Variants in THBS1 observed in about 807,000 individuals in gnomAD.
THBS1 encodes the protein thrombospondin-1.
A neutral mutation model predicts 126.1 loss-of-function variants in THBS1; 29 were observed. The observed-to-expected ratio is 0.23, with a 90% CI of 0.17 to 0.31. The LOEUF (loss-of-function observed/expected upper bound fraction) is 0.31, where lower values mean the gene tolerates loss of function less well. Among genes scored for constraint, THBS1 ranks in the 10% least tolerant of loss-of-function variants. The pLI is 1.00. For missense variants in THBS1, 1,198 were observed against 1,545.2 expected (o/e 0.78, Z 3.77); for synonymous variants, 496 against 577.8 (o/e 0.86, Z 2.03).
In THBS1 at chr15:39,595,318, T is replaced by G. The variant is rs200527126; in HGVS notation, c.3506-44T>G. 5.5e-3 allele frequency: 6,872 copies of G among 1,244,478 alleles called. 27 individuals are homozygous for G. Among genetic ancestry groups the G allele is most frequent in the Non-Finnish European group, 6.6e-3 (6,205 of 933,302 alleles). 77.1% of individuals were successfully genotyped at this position (1,244,478 alleles called of 1,614,324 possible). On this transcript the variant is annotated intron_variant, in intron 21 of 21. Transcript: ENST00000260356. Reference sequence around the variant, plus strand: ...ACTAAGATGTCTATGCTTTTATGAATTAGTTTTCATTTGTATATTTATTTA... The same window carrying G: ...ACTAAGATGTCTATGCTTTTATGAAGTAGTTTTCATTTGTATATTTATTTA...
rs758470793 is a variant in THBS1, at chr15:39,582,490, A to G, written c.365A>G (p.Asn122Ser). ...GGCCAGGTCTTCAGCGTGGTGTCCA[A>G]TGGCAAGGCGGGCACCCTGGACCTC... ...HSGQVFSVVS[N>S]GKAGTLDLSL... The change falls in exon 3 of 22, where the codon AAT becomes AGT. Residue 122 changes from asparagine (N) to serine (S), a missense_variant. This residue lies in a region of THBS1 where 271 missense variants were observed against 277.0 expected (regional missense o/e 0.98). Coordinates refer to ENST00000260356, the MANE Select transcript of THBS1 (RefSeq NM_003246.4). The G allele has an allele frequency of 3.1e-6, 5 of 1,614,136 alleles. No homozygotes were observed. Among genetic ancestry groups the G allele is most frequent in the Middle Eastern group, 1.6e-4 (1 of 6,062 alleles).
Position 39,593,373 on chromosome 15 carries a change from C to A in THBS1, c.2996-24C>A. 2.5e-6 allele frequency: 4 copies of A among 1,613,334 alleles called. No homozygotes were observed. Among genetic ancestry groups the A allele is most frequent in the Non-Finnish European group, 3.4e-6 (4 of 1,179,510 alleles). ...ACCTTCTGAAGGCTGCAGGTTTTAA[C>A]CTGGCTCTGGGCTCTTCTTCCAGGT... On this transcript the variant is annotated intron_variant, in intron 18 of 21. Coordinates refer to ENST00000260356, the MANE Select transcript of THBS1 (RefSeq NM_003246.4). The surrounding 1 kb of genome is among the most constrained non-coding windows in gnomAD (Gnocchi z 5.9).
chr15:39,591,254 C>G lies in THBS1; in HGVS notation c.2317C>G (p.Arg773Gly). ...YDYDRDDVGD[R>G]CDNCPYNHNP... Reference sequence around the variant, plus strand: ...CTATGACAGAGATGATGTGGGAGACCGCTGTGACAACTGTCCCTACAACCA... The same window carrying G: ...CTATGACAGAGATGATGTGGGAGACGGCTGTGACAACTGTCCCTACAACCA... The change falls in exon 15 of 22, where the codon CGC (arginine) becomes GGC (glycine). Residue 773 changes from arginine to glycine, a missense_variant. Arg to Gly is a moderately radical substitution (Grantham distance 125). Around this residue, in one of 4 missense-constraint regions of THBS1, gnomAD observed 663 missense variants for 860.1 expected, o/e 0.77. Transcript: ENST00000260356. The G allele has an allele frequency of 6.2e-7, 1 of 1,614,140 alleles. No individual in the cohort carries two copies. Among genetic ancestry groups the G allele is most frequent in the African/African-American group, 1.3e-5 (1 of 75,018 alleles).
In THBS1 at chr15:39,596,632, T is replaced by C. The variant is rs976588303; in HGVS notation, c.*1263T>C. 32 of 152,242 alleles carry C rather than the reference T, an allele frequency of 2.1e-4. No individual in the cohort carries two copies. The highest frequency in any genetic ancestry group is 4.6e-4 in the Non-Finnish European group (31 of 68,042). The allele number at this position is 152,242 out of a possible 1,614,324, so 9.4% of individuals were successfully genotyped here. On this transcript the variant is annotated 3_prime_UTR_variant, in exon 22 of 22. Transcript: ENST00000260356. ...AACAGCACAAGGAAAATCAGTCTAA[T>C]AAGCTGCTCTGCCCCTTGTGCTCAG...
chr15:39,595,893 G>T lies in THBS1; in HGVS notation c.*524G>T, dbSNP rs567709877. The T allele has an allele frequency of 2.2e-6, 1 of 456,032 alleles. No homozygotes were observed. Among genetic ancestry groups the T allele is most frequent in the African/African-American group, 2.0e-5 (1 of 50,176 alleles). 28.2% of individuals were successfully genotyped at this position (456,032 alleles called of 1,614,324 possible). ...AATATGGAGGAACTGTTACATGTTC[G>T]GTACTAAGTCATTTTCAGGGGATTG... On this transcript the variant is annotated 3_prime_UTR_variant, in exon 22 of 22. Transcript: ENST00000260356.
rs1890376321 is a variant in THBS1 at position 39,593,722 on chromosome 15, C to T, written c.3267+54C>T. The T allele has an allele frequency of 6.3e-7, 1 of 1,586,262 alleles. No homozygotes were observed. The highest frequency in any genetic ancestry group is 8.6e-7 in the Non-Finnish European group (1 of 1,166,462). On this transcript the variant is annotated intron_variant, in intron 19 of 21. Transcript: ENST00000260356. The surrounding 1 kb of genome is among the most constrained non-coding windows in gnomAD (Gnocchi z 5.9). ...AGAGCTTATGGGTGCCTGACTAGCA[C>T]TGGGGATGCTGTGCTTTGACCAAGA...
Position 39,597,987 on chromosome 15 carries a change from A to T in THBS1, c.*2618A>T, listed in dbSNP as rs2140354709. ...CATTACAGATACCTCCTCTTGAAGA[A>T]GGAATAATAAGTTTAATCAAAAAAG... is the stretch of plus-strand genomic sequence containing the variant. On this transcript the variant is annotated 3_prime_UTR_variant, in exon 22 of 22. Transcript: ENST00000260356. The T allele has an allele frequency of 6.6e-6, 1 of 152,364 alleles. No individual in the cohort carries two copies. Among genetic ancestry groups the T allele is most frequent in the African/African-American group, 2.4e-5 (1 of 41,580 alleles). 9.4% of individuals were successfully genotyped at this position (152,364 alleles called of 1,614,324 possible). A position where few individuals can be genotyped will look rare whatever the true frequency, so the allele number is the denominator to read the frequency against.
rs770788788 is a variant in THBS1 at position 39,588,108 on chromosome 15, G to A, written c.1361G>A (p.Gly454Asp). ...TCTTGTTCTGTGACATGTGGTGATG[G>A]TGTGATCACAAGGATCCGGCTCTGC... is the stretch of plus-strand genomic sequence containing the variant. ...WSSCSVTCGD[G>D]VITRIRLCNS... Residue 454 changes from glycine to aspartate, a missense_variant, in exon 9 of 22, where the codon GGT (glycine) becomes GAT (aspartate). Coordinates refer to ENST00000260356, the MANE Select transcript of THBS1 (RefSeq NM_003246.4). 1 of 1,614,234 alleles carries A rather than the reference G, an allele frequency of 6.2e-7. No individual in the cohort carries two copies. The highest frequency in any genetic ancestry group is 8.5e-7 in the Non-Finnish European group (1 of 1,180,034).
chr15:39,589,212 T>G lies in THBS1; in HGVS notation c.1784T>G (p.Val595Gly), dbSNP rs1206923053. Reference protein sequence around the residue: ...QCTDVDECKEVPDACFNHNGE... With the variant: ...QCTDVDECKEGPDACFNHNGE... ...TTATTTCCTCCATAGTGCAAAGAAG[T>G]GCCTGATGCCTGCTTCAACCACAAT... The change falls in exon 12 of 22, where the codon GTG (valine) becomes GGG (glycine). Residue 595 changes from valine to glycine, a missense_variant. Transcript: ENST00000260356. The surrounding 1 kb of genome is among the most constrained non-coding windows in gnomAD (Gnocchi z 4.7). 1 of 1,614,022 alleles carries G rather than the reference T, an allele frequency of 6.2e-7. No individual in the cohort carries two copies. Among genetic ancestry groups the G allele is most frequent in the Non-Finnish European group, 8.5e-7 (1 of 1,180,048 alleles).
chr15:39,592,964 T>C lies in THBS1; in HGVS notation c.2768-36T>C, dbSNP rs1890356691. 6.2e-7 allele frequency: 1 copy of C among 1,605,112 alleles called. No homozygotes were observed. The highest frequency in any genetic ancestry group is 1.1e-5 in the South Asian group (1 of 90,338). On this transcript the variant is annotated intron_variant, in intron 17 of 21. Transcript: ENST00000260356. The surrounding 1 kb of genome is among the most constrained non-coding windows in gnomAD (Gnocchi z 4.3). ...GACACCAGTAATAATAATAGCACTT[T>C]AGAATTTTGCTGAACTCTTGCTTTT...
At position 39,594,005 on chromosome 15, in the gene THBS1, T is replaced by C. The variant is rs1890381537; in HGVS notation, c.3268-94T>C. The C allele has an allele frequency of 7.4e-7, 1 of 1,345,942 alleles. No homozygotes were observed. Among genetic ancestry groups the C allele is most frequent in the Non-Finnish European group, 1.0e-6 (1 of 977,948 alleles). The allele number at this position is 1,345,942 out of a possible 1,614,324, so 83.4% of individuals were successfully genotyped here. ...TTGCAGCCCTCTAACTTAGATCAGC[T>C]CAGTACCTTTCAAGCATTGTTTCTG... On this transcript the variant is annotated intron_variant, in intron 19 of 21. Coordinates refer to ENST00000260356, the MANE Select transcript of THBS1 (RefSeq NM_003246.4). This position sits in a 1 kb window ranked among gnomAD's most constrained non-coding sequence, Gnocchi z 4.4.
intron 6 of THBS1, 41 bp from the exon 7 acceptor site, chr15:39,585,429 T>G: frequency 6.4e-7 from 1 of 1,565,570 alleles, no homozygotes; most frequent in Non-Finnish European, 8.8e-7. Flanking sequence ...GTATGCAACA[T>G]GCTCAGCAGC....
intron 6 of THBS1, among the ~76,000 whole-genome samples, chr15:39,584,883 G>C (rs1890181746): frequency 6.6e-6 from 1 of 152,228 alleles, no homozygotes; most frequent in African/African-American, 2.4e-5. Context: ...CCAGGTGTGT[G>C]ATTCACTCTA....
At chr15:39,583,731 G>A (rs200065465) in intron 4 of THBS1, 39 bp downstream of exon 4, 1 of 1,586,860 alleles carries the variant, frequency 6.3e-7, no homozygotes, top group African/African-American at 1.4e-5. Context: ...TAGGGAATCA[G>A]GGGGAATTCC....
At chr15:39,582,948 T>C (rs1411889196) in intron 3 of THBS1, among the ~76,000 whole-genome samples, 196 bp downstream of exon 3, 1 of 152,232 alleles carries the variant, frequency 6.6e-6, no homozygotes. Context: ...TCTGTAAAAC[T>C]GCAACTCTAA....
intron 6 of THBS1, among the ~76,000 whole-genome samples, chr15:39,585,241 A>G (rs1890188252): frequency 1.3e-5 from 2 of 152,234 alleles, no homozygotes; most frequent in African/African-American, 4.8e-5. Context: ...CTAAGTAGCA[A>G]TTAAAAAGAA....
chr15:39,591,919 G>A (rs1890335625), intron 16 of THBS1, among the ~76,000 whole-genome samples: 1 of 152,192 alleles, frequency 6.6e-6, no homozygotes, highest in African/African-American at 2.4e-5. Context: ...ATACAAAGCA[G>A]ACATCTGTGA....
At chr15:39,582,128 G>T in intron 2 of THBS1, 65 bp from the exon 3 acceptor site, 1 of 1,515,618 alleles carries the variant, frequency 6.6e-7, no homozygotes. Context: ...CACCCCTAAG[G>T]ACTCAGCCCC....
chr15:39,585,603 G>T (rs1890195449), intron 7 of THBS1, 40 bp downstream of exon 7: 1 of 1,587,062 alleles, frequency 6.3e-7, no homozygotes. Context: ...TCAGTGACTA[G>T]GTCAGTTCTA....
Sources: allele counts gnomAD v4.1 joint callset (sites outside exome capture counted in the v4.1 genomes callset), GRCh38; gene constraint gnomAD v4.1.1; regional missense constraint gnomAD v4.1.1; non-coding constraint Gnocchi (gnomAD v3.1); transcripts MANE v1.5; gene names NCBI Gene and HGNC (gene_info 2026-07-23, HGNC 2026-07-21).